Variants in FER1L6 observed in about 807,000 individuals in gnomAD.
FER1L6 encodes fer-1 like family member 6, also known as fer-1-like protein 6.
Under a neutral mutation model 219.2 loss-of-function variants are expected in FER1L6, and 177 were observed. The ratio of observed to expected loss-of-function variants is 0.81; its 90% CI spans 0.71 to 0.91. FER1L6 has a LOEUF of 0.91. FER1L6 is among the 40% of genes least tolerant of loss of function. The probability of loss-of-function intolerance (pLI) is 0.00; values close to 1 mark genes in which losing one functional copy is unlikely to be tolerated. For synonymous variants in FER1L6, 768 were observed against 824.3 expected (o/e 0.93, Z 1.17); for missense variants, 2,153 against 2,259.9 (o/e 0.95, Z 0.96).
intron 39 of FER1L6, among the ~76,000 whole-genome samples, chr8:124,116,839 T>C (rs892522132): frequency 6.6e-6 from 1 of 152,212 alleles, no homozygotes; most frequent in Non-Finnish European, 1.5e-5. Context: ...TTGGAGACCA[T>C]TTTTCCATGA....
intron 13 of FER1L6, among the ~76,000 whole-genome samples, chr8:124,004,624 CA>C (rs1235055067): frequency 6.6e-6 from 1 of 152,030 alleles, no homozygotes; most frequent in Non-Finnish European, 1.5e-5. Context: ...TCATTGTCTT[CA>C]CAGACAACTT....
At position 123,852,164 on chromosome 8, in the gene FER1L6, G is replaced by A. The variant is rs1897318; in HGVS notation, c.-29G>A. 0.39 allele frequency: 59,926 copies of A among 152,134 alleles called. 12,529 individuals are homozygous for A. The highest frequency in any genetic ancestry group is 0.47 in the Middle Eastern group (140 of 296). The allele number at this position is 152,134 out of a possible 1,614,324, so 9.4% of individuals were successfully genotyped here. On this transcript the variant is annotated 5_prime_UTR_variant, in exon 1 of 41. The change creates a new upstream start codon in the 5' untranslated region. Coordinates refer to ENST00000522917, the MANE Select transcript of FER1L6 (RefSeq NM_001039112.2). This position sits in a 1 kb window ranked among gnomAD's most constrained non-coding sequence, Gnocchi z 4.9. ...TCAGAGCAATGCTGTGTGGACCATCGTGAAGGTGGACAAGGCATTTTGTAA... is the reference window on the plus strand; with the variant it reads ...TCAGAGCAATGCTGTGTGGACCATCATGAAGGTGGACAAGGCATTTTGTAA...
intron 12 of FER1L6, among the ~76,000 whole-genome samples, chr8:124,000,041 C>T (rs1189626701): frequency 6.6e-6 from 1 of 152,194 alleles, no homozygotes; most frequent in Non-Finnish European, 1.5e-5. Flanking sequence ...AGTGGCAAAG[C>T]TTGCTGGAAC....
intron 1 of FER1L6, among the ~76,000 whole-genome samples, chr8:123,909,684 T>G (rs116209542): frequency 6.6e-6 from 1 of 152,180 alleles, no homozygotes; most frequent in South Asian, 2.1e-4. Context: ...CTAACCAGTT[T>G]TATAGCCTAG....
intron 35 of FER1L6, among the ~76,000 whole-genome samples, chr8:124,095,826 A>G (rs1218723263): frequency 1.3e-5 from 2 of 152,220 alleles, no homozygotes; most frequent in Non-Finnish European, 2.9e-5. Flanking sequence ...TATGATCCTC[A>G]CTTTTACAAT....
intron 1 of FER1L6, chr8:123,924,774 A>G (rs1813500712): frequency 6.6e-6 from 1 of 152,156 alleles, no homozygotes; most frequent in Non-Finnish European, 1.5e-5. Context: ...CTGTGGTTTT[A>G]ATGAGGTGCA....
At chr8:123,895,746 G>A (rs1280750088) in intron 1 of FER1L6, among the ~76,000 whole-genome samples, 4 of 152,220 alleles carry the variant, frequency 2.6e-5, no homozygotes, top group African/African-American at 9.6e-5. Flanking sequence ...AGAGCCCTGA[G>A]AAATTGTTCA....
At chr8:123,930,260 A>G (rs115829280) in intron 1 of FER1L6, among the ~76,000 whole-genome samples, 2,198 of 152,238 alleles carry the variant, frequency 0.014, 48 homozygotes, top group African/African-American at 0.051. Context: ...CACCACCACA[A>G]TCAAGATACA....
At chr8:123,993,545 C>A (rs1816970490) in intron 12 of FER1L6, among the ~76,000 whole-genome samples, 1 of 152,136 alleles carries the variant, frequency 6.6e-6, no homozygotes, top group Non-Finnish European at 1.5e-5. Flanking sequence ...ACAGACTTTC[C>A]TGCTGAGCCC....
At chr8:123,938,997 C>A (rs1814119350) in intron 1 of FER1L6, among the ~76,000 whole-genome samples, 1 of 152,174 alleles carries the variant, frequency 6.6e-6, no homozygotes. Context: ...GGGTCACTTG[C>A]TTTTTTTGCC....
At chr8:123,998,955 A>G (rs1331896844) in intron 12 of FER1L6, among the ~76,000 whole-genome samples, 2 of 151,596 alleles carry the variant, frequency 1.3e-5, no homozygotes, top group African/African-American at 4.9e-5. Flanking sequence ...CTTTGTGACA[A>G]TGGGCTCCTC....
At chr8:123,919,326 G>C (rs1813289233) in intron 1 of FER1L6, among the ~76,000 whole-genome samples, 1 of 152,198 alleles carries the variant, frequency 6.6e-6, no homozygotes, top group African/African-American at 2.4e-5. Context: ...TCCAGGCTGG[G>C]CTTCCTTGTA....
At chr8:123,965,082 G>A (rs998316923) in intron 3 of FER1L6, among the ~76,000 whole-genome samples, 1 of 152,126 alleles carries the variant, frequency 6.6e-6, no homozygotes, top group African/African-American at 2.4e-5. Flanking sequence ...TTTCTTACCT[G>A]CATTGTCTCC....
At chr8:124,073,159 C>T (rs1208394915) in intron 31 of FER1L6, among the ~76,000 whole-genome samples, 1 of 152,202 alleles carries the variant, frequency 6.6e-6, no homozygotes. Context: ...GGAAGAATTT[C>T]TGTGAACTAC....
At chr8:123,886,255 C>G (rs1029576604) in intron 1 of FER1L6, among the ~76,000 whole-genome samples, 1 of 152,122 alleles carries the variant, frequency 6.6e-6, no homozygotes, top group African/African-American at 2.4e-5. Context: ...GAAATTTGCT[C>G]CCCAATGTTG....
chr8:123,952,574 A>C (rs926176346), intron 1 of FER1L6, among the ~76,000 whole-genome samples: 1 of 152,056 alleles, frequency 6.6e-6, no homozygotes, highest in Non-Finnish European at 1.5e-5. Context: ...GTGAAGTGGG[A>C]GGGTTCTCAT....
chr8:123,975,937 G>A lies in FER1L6; in HGVS notation c.723G>A (p.Pro241=), dbSNP rs748282049. 68 of 1,613,104 alleles carry A rather than the reference G, an allele frequency of 4.2e-5. No individual in the cohort carries two copies. The highest frequency in any genetic ancestry group is 1.9e-4 in the South Asian group (17 of 90,782). ...CCAATGGGTTTCCACTGGAGAGACC[G>A]TGGGCCAGATTCTATGTGAGACTCT... ...LIPNGFPLER[P]WARFYVRLYK... is the part of the protein sequence containing the mutation. Residue 241 remains proline, a synonymous_variant, in exon 9 of 41, where the codon CCG becomes CCA. Transcript: ENST00000522917.
rs1025273952 is a variant in FER1L6 at position 124,043,435 on chromosome 8, T to A, written c.2590-2332T>A. Among the ~76,000 whole-genome samples, 3 of 152,246 alleles carry A rather than the reference T, an allele frequency of 2.0e-5. 1 individual carries two copies. Among genetic ancestry groups the A allele is most frequent in the Non-Finnish European group, 4.4e-5 (3 of 68,036 alleles). On this transcript the variant is annotated intron_variant, in intron 20 of 40. Coordinates refer to ENST00000522917, the MANE Select transcript of FER1L6 (RefSeq NM_001039112.2). ...TCAAAATGTTAGCTAAGTGCTACCA[T>A]AACTTCCAGATAATGTCATTTAACT...
In FER1L6 at chr8:123,922,290, C is replaced by T. The variant is rs547213861; in HGVS notation, c.-7-33702C>T. Among the ~76,000 whole-genome samples the T allele has an allele frequency of 2.2e-4, 33 of 152,232 alleles. No homozygotes were observed. The South Asian group carries it at 6.6e-3, about 31-fold the overall frequency. On this transcript the variant is annotated intron_variant, in intron 1 of 40. Transcript: ENST00000522917. ...GCTGACTGCCTGCTGGGGGCAGGGGCATTTATTCTGCGTGACAGAAGGTAA... is the reference window on the plus strand; with the variant it reads ...GCTGACTGCCTGCTGGGGGCAGGGGTATTTATTCTGCGTGACAGAAGGTAA...
Sources: allele counts gnomAD v4.1 joint callset (sites outside exome capture counted in the v4.1 genomes callset), GRCh38; gene constraint gnomAD v4.1.1; non-coding constraint Gnocchi (gnomAD v3.1); transcripts MANE v1.5; gene names NCBI Gene and HGNC (gene_info 2026-07-23, HGNC 2026-07-21).